The following RBFOX1 variants were observed in gnomAD, a reference collection of about 807,000 sequenced individuals.
The protein encoded by RBFOX1 is RNA binding protein fox-1 homolog 1.
RBFOX1 carries 8 observed loss-of-function variants against 57.7 expected under a neutral mutation model. The ratio of observed to expected loss-of-function variants is 0.14; its 90% confidence interval spans 0.08 to 0.25. The LOEUF (loss-of-function observed/expected upper bound fraction) is 0.25, where lower values mean the gene tolerates loss of function less well. Ranked by LOEUF, RBFOX1 falls within the 10% of genes least tolerant of loss-of-function variation. The pLI is 1.00. For synonymous variants in RBFOX1, 326 were observed against 222.4 expected (o/e 1.47, Z -4.15); for missense variants, 611 against 548.5 (o/e 1.11, Z -1.14).
At position 6,097,087 on chromosome 16, in the gene RBFOX1, G is replaced by C. The variant is rs917006645; in HGVS notation, c.-127+77095G>C. ...CCCCATACTGTTGTCATGGTGGTGA[G>C]TAAGTCTTACTAGATCTGATGGTTT... On this transcript the variant is annotated intron_variant, in intron 1 of 15. Transcript: ENST00000550418. This position sits in a 1 kb window ranked among gnomAD's most constrained non-coding sequence, Gnocchi z 5.0. Among the ~76,000 whole-genome samples the C allele has an allele frequency of 1.3e-5, 2 of 152,140 alleles. No individual in the cohort carries two copies. Among genetic ancestry groups the C allele is most frequent in the Admixed American group, 6.5e-5 (1 of 15,278 alleles).
At chr16:6,072,202 A>G (rs2095845911) in intron 1 of RBFOX1, among the ~76,000 whole-genome samples, 1 of 152,144 alleles carries the variant, frequency 6.6e-6, no homozygotes, top group Non-Finnish European at 1.5e-5. Context: ...CTTATTCACT[A>G]TCAGAGAACA....
intron 3 of RBFOX1, among the ~76,000 whole-genome samples, chr16:6,899,782 T>A (rs539281119): frequency 1.3e-5 from 2 of 152,220 alleles, no homozygotes; most frequent in African/African-American, 4.8e-5. Context: ...CATACTTACA[T>A]ATTTGAAGTA....
chr16:6,247,879 G>A (rs970677914), intron 1 of RBFOX1, among the ~76,000 whole-genome samples: 1 of 152,170 alleles, frequency 6.6e-6, no homozygotes, highest in African/African-American at 2.4e-5. Flanking sequence ...TGGCCACATT[G>A]TCATAAGCTC....
chr16:6,323,742 A>T (rs576122882), intron 2 of RBFOX1, among the ~76,000 whole-genome samples: 2 of 151,442 alleles, frequency 1.3e-5, no homozygotes, highest in African/African-American at 4.8e-5. Context: ...CAGTTTCCAT[A>T]CATCATGGGT....
intron 4 of RBFOX1, among the ~76,000 whole-genome samples, chr16:5,921,329 T>C (rs938689413): frequency 3.9e-5 from 6 of 152,204 alleles, no homozygotes; most frequent in Admixed American, 2.0e-4. Flanking sequence ...GTTCACATCC[T>C]GTCCCCTTGG....
At chr16:6,703,118 A>G (rs533680176) in intron 3 of RBFOX1, among the ~76,000 whole-genome samples, 1 of 152,150 alleles carries the variant, frequency 6.6e-6, no homozygotes, top group East Asian at 1.9e-4. Context: ...ATAATATTTC[A>G]TTGTGAGAAT....
At chr16:6,285,320 TTAAGAC>T (rs2076791251) in intron 1 of RBFOX1, among the ~76,000 whole-genome samples, 1 of 152,108 alleles carries the variant, frequency 6.6e-6, no homozygotes, top group African/African-American at 2.4e-5. Flanking sequence ...AAAGGAAAGT[TTAAGAC>T]TATATCTGGA....
intron 4 of RBFOX1, among the ~76,000 whole-genome samples, chr16:7,488,260 A>G (rs2065940410): frequency 6.6e-6 from 1 of 152,202 alleles, no homozygotes; most frequent in African/African-American, 2.4e-5. Flanking sequence ...TTGTTCTGGC[A>G]TGGTGAAAGG....
intron 2 of RBFOX1, among the ~76,000 whole-genome samples, chr16:5,562,057 GGGTGAGAC>G (rs1186413966): frequency 6.6e-6 from 1 of 152,186 alleles, no homozygotes; most frequent in Non-Finnish European, 1.5e-5. Context: ...TTTATTTCCA[GGGTGAGAC>G]GCTTTGAAAT....
rs569243254 is a variant in RBFOX1 at position 7,708,747 on chromosome 16, A to C, written c.996-309A>C. On this transcript the variant is annotated intron_variant, in intron 14 of 15. Coordinates refer to ENST00000550418, the MANE Select transcript of RBFOX1 (RefSeq NM_018723.4). Reference sequence around the variant, plus strand: ...AAGTTGTTTCTTTCTTACCTACCTCAGTCTCTAAGGCAGCTACTTGAGCAG... The same window carrying C: ...AAGTTGTTTCTTTCTTACCTACCTCCGTCTCTAAGGCAGCTACTTGAGCAG... Among the ~76,000 whole-genome samples the C allele has an allele frequency of 4.6e-5, 7 of 152,296 alleles. No homozygotes were observed. The South Asian group carries it at 1.2e-3, about 27-fold the overall frequency.
intron 3 of RBFOX1, among the ~76,000 whole-genome samples, chr16:5,790,294 T>A (rs578065494): frequency 2.6e-5 from 4 of 152,034 alleles, no homozygotes; most frequent in Non-Finnish European, 4.4e-5. Context: ...CCAGGAAGAA[T>A]ACAAGAATGA....
intron 4 of RBFOX1, among the ~76,000 whole-genome samples, chr16:7,199,620 G>T (rs570452811): frequency 5.3e-5 from 8 of 152,352 alleles, no homozygotes; most frequent in African/African-American, 1.9e-4. Flanking sequence ...GCTGGGCAGT[G>T]CAGTAGCTCA....
At chr16:7,098,047 C>G (rs1175665085) in intron 4 of RBFOX1, among the ~76,000 whole-genome samples, 2 of 152,094 alleles carry the variant, frequency 1.3e-5, no homozygotes, top group Non-Finnish European at 2.9e-5. Context: ...TCAAGTAAAG[C>G]CAGTGTTGTC....
chr16:6,662,230 T>G (rs539304511), intron 3 of RBFOX1, among the ~76,000 whole-genome samples: 1 of 152,274 alleles, frequency 6.6e-6, no homozygotes, highest in South Asian at 2.1e-4. Flanking sequence ...GATGAGAGTT[T>G]AATTAATGTG....
intron 2 of RBFOX1, among the ~76,000 whole-genome samples, chr16:6,616,354 G>C (rs568070483): frequency 1.3e-5 from 2 of 151,688 alleles, no homozygotes; most frequent in East Asian, 3.9e-4. Context: ...CCCAGTGATA[G>C]TGACTCAAAT....
intron 7 of RBFOX1, among the ~76,000 whole-genome samples, chr16:7,588,397 T>C (rs2152901097): frequency 1.3e-5 from 2 of 152,250 alleles, no homozygotes; most frequent in Middle Eastern, 6.8e-3. Flanking sequence ...GTGTTTTAGC[T>C]CCACTGAGGA....
chr16:7,304,016 G>T (rs1004687525), intron 4 of RBFOX1, among the ~76,000 whole-genome samples: 3 of 151,812 alleles, frequency 2.0e-5, no homozygotes, highest in African/African-American at 4.8e-5. Flanking sequence ...CAAAAAGCAG[G>T]CCCAACAACC....
intron 2 of RBFOX1, among the ~76,000 whole-genome samples, chr16:6,328,344 G>A (rs2082613233): frequency 6.6e-6 from 1 of 152,122 alleles, no homozygotes; most frequent in African/African-American, 2.4e-5. Context: ...CTCCTCGGGT[G>A]ATGGGTGCAC....
chr16:6,524,739 G>C (rs796592035), intron 2 of RBFOX1, among the ~76,000 whole-genome samples: 1 of 152,144 alleles, frequency 6.6e-6, no homozygotes, highest in African/African-American at 2.4e-5. Flanking sequence ...TACCTGGCTT[G>C]TCCACAGCCT....
Sources: allele counts gnomAD v4.1 joint callset (sites outside exome capture counted in the v4.1 genomes callset), GRCh38; gene constraint gnomAD v4.1.1; non-coding constraint Gnocchi (gnomAD v3.1); transcripts MANE v1.5; gene names NCBI Gene and HGNC (gene_info 2026-07-23, HGNC 2026-07-21).